Variants in SLC19A1 observed in about 807,000 individuals in gnomAD.
SLC19A1 encodes solute carrier family 19 member 1, also known as reduced folate transporter.
SLC19A1 carries 37 observed loss-of-function variants against 35.3 expected under a neutral mutation model. The ratio of observed to expected loss-of-function variants is 1.05; its 90% CI spans 0.81 to 1.38. The LOEUF (loss-of-function observed/expected upper bound fraction) is 1.38. Ranked by LOEUF, SLC19A1 falls within the 40% of genes most tolerant of loss-of-function variation. The pLI is 0.00. For synonymous variants in SLC19A1, 460 were observed against 398.5 expected (o/e 1.15, Z -1.84); for missense variants, 831 against 826.9 (o/e 1.00, Z -0.06).
intron 5 of SLC19A1, among the ~76,000 whole-genome samples, chr21:45,520,944 CAGG>C (rs998351477): frequency 3.3e-5 from 5 of 151,446 alleles, no homozygotes; most frequent in African/African-American, 7.3e-5. Flanking sequence ...TGCTTGAACC[CAGG>C]AGGAGGAGGT....
At chr21:45,551,830 G>T (rs1290838040) in intron 1 of SLC19A1, among the ~76,000 whole-genome samples, 1 of 152,136 alleles carries the variant, frequency 6.6e-6, no homozygotes, top group Non-Finnish European at 1.5e-5. Flanking sequence ...TTCATGCATT[G>T]TCTGGGGTAT....
In SLC19A1 at chr21:45,515,888, G is replaced by A. The variant is rs199793245; in HGVS notation, c.1546C>T (p.Leu516=). Residue 516 remains leucine (L), a synonymous_variant, in exon 6 of 6, where the codon CTG becomes TTG. Transcript: ENST00000311124. ...DSLGAVGPAS[L]EQRQSDPYLA... is the part of the protein sequence containing the mutation. ...TATGGGTCGCTCTGTCTCTGCTCCA[G>A]GGAGGCTGGCCCCACAGCCCCCAGG... 68 of 1,564,382 alleles carry A rather than the reference G, an allele frequency of 4.3e-5. No individual in the cohort carries two copies. In the East Asian group the frequency reaches 1.5e-3, roughly 34 times the overall value.
intron 1 of SLC19A1, among the ~76,000 whole-genome samples, chr21:45,558,519 A>G (rs1191583142): frequency 6.6e-6 from 1 of 152,210 alleles, no homozygotes; most frequent in Non-Finnish European, 1.5e-5. Context: ...GGCTGTGACC[A>G]GGCTGCAGAG....
chr21:45,511,188 C>T (rs1310158571), downstream of SLC19A1: 1 of 1,599,322 alleles, frequency 6.3e-7, no homozygotes, highest in South Asian at 1.1e-5. Flanking sequence ...CACGCATCTT[C>T]TCCTTTGACG....
intron 1 of SLC19A1, among the ~76,000 whole-genome samples, chr21:45,559,516 T>C (rs1429211534): frequency 1.3e-5 from 2 of 152,192 alleles, no homozygotes; most frequent in Admixed American, 1.3e-4. Context: ...GATTTATATT[T>C]TTTTCCAGTT....
At chr21:45,519,010 T>C (rs1037648594) in intron 5 of SLC19A1, among the ~76,000 whole-genome samples, 3 of 152,202 alleles carry the variant, frequency 2.0e-5, no homozygotes, top group Non-Finnish European at 4.4e-5. Context: ...ATATGTTTGA[T>C]GATTAATGCA....
In SLC19A1 at chr21:45,515,365, C is replaced by T. The variant is rs1162799656; in HGVS notation, c.*293G>A. 7 of 1,438,804 alleles carry T rather than the reference C, an allele frequency of 4.9e-6. No individual in the cohort carries two copies. Among genetic ancestry groups the T allele is most frequent in the African/African-American group, 1.4e-5 (1 of 69,632 alleles). 89.1% of individuals were successfully genotyped at this position (1,438,804 alleles called of 1,614,324 possible). A position where few individuals can be genotyped will look rare whatever the true frequency, so the allele number is the denominator to read the frequency against. ...GCAGAAAGGATTTGTCTCAAGCCCCCCAAGGGGCATGAGCCAGTGAGGCCT... is the reference window on the plus strand; with the variant it reads ...GCAGAAAGGATTTGTCTCAAGCCCCTCAAGGGGCATGAGCCAGTGAGGCCT... On this transcript the variant is annotated 3_prime_UTR_variant, in exon 6 of 6. Transcript: ENST00000311124.
downstream of SLC19A1, chr21:45,507,569 C>A (rs1382124726): frequency 6.2e-7 from 1 of 1,613,022 alleles, no homozygotes; most frequent in Non-Finnish European, 8.5e-7. Flanking sequence ...AGCTGGAGGC[C>A]CGGACACCAC....
At chr21:45,556,692 AGACAG>A (rs1354748356) in intron 1 of SLC19A1, among the ~76,000 whole-genome samples, 1 of 152,254 alleles carries the variant, frequency 6.6e-6, no homozygotes, top group Non-Finnish European at 1.5e-5. Context: ...GAGCTGCCAC[AGACAG>A]GACAGAACAG....
chr21:45,508,156 T>C (rs1016804244), downstream of SLC19A1, among the ~76,000 whole-genome samples: 6 of 139,446 alleles, frequency 4.3e-5, no homozygotes, highest in Non-Finnish European at 9.2e-5. Flanking sequence ...GGTGGGTGAG[T>C]GGATAGGTAG....
At chr21:45,507,818 C>T (rs2037313633), downstream of SLC19A1, among the ~76,000 whole-genome samples, 1 of 152,230 alleles carries the variant, frequency 6.6e-6, no homozygotes, top group African/African-American at 2.4e-5. Flanking sequence ...CACGAGGGAG[C>T]CCCTCTCATC....
chr21:45,554,911 C>T (rs188606866), intron 1 of SLC19A1, among the ~76,000 whole-genome samples: 83 of 151,964 alleles, frequency 5.5e-4, no homozygotes, highest in Admixed American at 2.2e-3. Flanking sequence ...GGCCCCTCGC[C>T]TTCTCCCCAG....
chr21:45,546,101 G>A (rs913823693), upstream of SLC19A1, among the ~76,000 whole-genome samples: 6 of 152,220 alleles, frequency 3.9e-5, no homozygotes, highest in African/African-American at 7.2e-5. Context: ...ATGCCCCTGT[G>A]TCAGGCCTCC....
chr21:45,528,189 C>T lies in SLC19A1; in HGVS notation c.1152-2231G>A, dbSNP rs28722137. Among the ~76,000 whole-genome samples the T allele has an allele frequency of 7.7e-3, 1,177 of 152,064 alleles. 13 individuals are homozygous for T. The highest frequency in any genetic ancestry group is 0.027 in the African/African-American group (1,102 of 41,476). ...AGTGGGATGAAGGGCAGACGAACAACAGGGAGAACTGAGCACAAACACGAG... is the reference window on the plus strand; with the variant it reads ...AGTGGGATGAAGGGCAGACGAACAATAGGGAGAACTGAGCACAAACACGAG... On this transcript the variant is annotated intron_variant, in intron 4 of 5. Coordinates refer to ENST00000311124, the MANE Select transcript of SLC19A1 (RefSeq NM_194255.4).
rs538264751 is a variant in SLC19A1, at chr21:45,529,928, T to G, written c.1151+842A>C. On this transcript the variant is annotated intron_variant, in intron 4 of 5. Coordinates refer to ENST00000311124, the MANE Select transcript of SLC19A1 (RefSeq NM_194255.4). Reference sequence around the variant, plus strand: ...TGTGGTGTGTCCCTGTGAGTGTGTGTGTGTCCGTGTGTAGTGTGTGTCCAT... The same window carrying G: ...TGTGGTGTGTCCCTGTGAGTGTGTGGGTGTCCGTGTGTAGTGTGTGTCCAT... Among the ~76,000 whole-genome samples, 5 of 150,162 alleles carry G rather than the reference T, an allele frequency of 3.3e-5. No homozygotes were observed. In the East Asian group the frequency reaches 5.9e-4, roughly 18 times the overall value.
chr21:45,561,636 C>T (rs2078615766), intron 1 of SLC19A1, among the ~76,000 whole-genome samples: 1 of 152,132 alleles, frequency 6.6e-6, no homozygotes, highest in East Asian at 1.9e-4. Flanking sequence ...TGGCATGCAC[C>T]TGTAGTCCCA....
intron 1 of SLC19A1, among the ~76,000 whole-genome samples, chr21:45,538,772 A>G (rs1478131510): frequency 6.6e-6 from 1 of 152,192 alleles, no homozygotes; most frequent in Non-Finnish European, 1.5e-5. Context: ...AGACGAAAGC[A>G]GCTGGCAGGA....
Position 45,555,161 on chromosome 21 carries a change from G to A in SLC19A1, c.-50+7581C>T, listed in dbSNP as rs1569031749. On this transcript the variant is annotated intron_variant, in intron 1 of 5. Transcript: ENST00000650808. ...CGCAGGGGGCGGTGCAGGGGGCGGC[G>A]GGGGCGGCGCAGGGGGCGGTGCAGG... 1.5e-4 allele frequency among the ~76,000 whole-genome samples: 9 copies of A among 61,834 alleles called. 1 individual carries two copies. The highest frequency in any genetic ancestry group is 1.5e-3 in the East Asian group (2 of 1,352). 40.6% of individuals were successfully genotyped at this position (61,834 alleles called of 152,430 possible).
chr21:45,550,971 G>GC (rs1180115596), intron 1 of SLC19A1, among the ~76,000 whole-genome samples: 3 of 133,860 alleles, frequency 2.2e-5, no homozygotes, highest in Non-Finnish European at 4.7e-5. Flanking sequence ...CCCAGCACTG[G>GC]CCCCCGCCTC....
Sources: gnomAD v4.1 joint callset for allele counts (sites outside exome capture counted in the v4.1 genomes callset) on GRCh38, gnomAD v4.1.1 for gene constraint, MANE v1.5 for transcripts, NCBI Gene and HGNC (gene_info 2026-07-23, HGNC 2026-07-21) for gene names.